Variants in DMAC2 observed in about 807,000 individuals in gnomAD.
DMAC2 encodes distal membrane-arm assembly complex protein 2.
DMAC2 carries 32 observed loss-of-function variants against 29.6 expected under a neutral mutation model. That is an observed-to-expected ratio of 1.08 (90% CI 0.81 to 1.45). The LOEUF is 1.45. Among genes scored for constraint, DMAC2 ranks in the 40% most tolerant of loss-of-function variants. DMAC2 has a pLI of 0.00. For missense variants in DMAC2, 319 were observed against 340.0 expected (o/e 0.94, Z 0.49); for synonymous variants, 133 against 137.4 (o/e 0.97, Z 0.23).
At chr19:41,436,300 G>T in intron 3 of DMAC2, 92 bp downstream of exon 3, 1 of 1,104,636 alleles carries the variant, frequency 9.1e-7, no homozygotes. Flanking sequence ...AGAGACCAGG[G>T]GACTCTGAAG....
intron 1 of DMAC2, chr19:41,439,237 C>A: frequency 2.4e-6 from 1 of 416,180 alleles, no homozygotes; most frequent in African/African-American, 2.1e-5. Flanking sequence ...TTCAAATTAT[C>A]TCGATAATTT....
At chr19:41,439,836 T>C (rs782697328) in intron 1 of DMAC2, 46 bp downstream of exon 1, 110 of 1,613,874 alleles carry the variant, frequency 6.8e-5, no homozygotes, top group Non-Finnish European at 8.9e-5. Flanking sequence ...GCGGAGGCTG[T>C]AGAGCGGACT....
intron 3 of DMAC2, 75 bp from the exon 4 acceptor site, chr19:41,433,748 C>T (rs2039708711): frequency 5.7e-6 from 9 of 1,587,458 alleles, no homozygotes; most frequent in Admixed American, 5.1e-5. Context: ...GAACCTTCCC[C>T]AGCCCTATAT....
At chr19:41,432,452 A>ATG (rs781855261) in intron 5 of DMAC2, 44 bp from the exon 6 acceptor site, 35 of 1,577,544 alleles carry the variant, frequency 2.2e-5, no homozygotes, top group East Asian at 1.1e-4. Context: ...TAAGGACAGC[A>ATG]TGTGTGTGTG....
At chr19:41,433,214 T>C (rs2039667142) in intron 5 of DMAC2, 58 bp downstream of exon 5, 7 of 1,522,436 alleles carry the variant, frequency 4.6e-6, no homozygotes, top group Admixed American at 4.1e-5. Context: ...CTCTCCTGCA[T>C]CTGGGTTAGG....
rs2039971621 is a variant in DMAC2 at position 41,438,256 on chromosome 19, C to A, written c.177G>T (p.Leu59Phe). 3 of 1,614,260 alleles carry A rather than the reference C, an allele frequency of 1.9e-6. No homozygotes were observed. The East Asian group carries it at 6.7e-5, about 36-fold the overall frequency. ...FYDVEALRDY[L>F]LQREMYKVHE... The stretch of plus-strand genomic sequence containing the variant: ...GCACCTTGTACATCTCCCTTTGGAG[C>A]AAGTAATCCCTCAGAGCCTCCACAT... Residue 59 changes from leucine (L) to phenylalanine (F), a missense_variant, in exon 2 of 6, where the codon TTG (leucine) becomes TTT (phenylalanine). Transcript: ENST00000221943.
At chr19:41,432,580 T>TGTGC in intron 5 of DMAC2, 172 bp from the exon 6 acceptor site, 1 of 632,262 alleles carries the variant, frequency 1.6e-6, no homozygotes, top group Non-Finnish European at 2.8e-6. Context: ...TGTGTGTGTG[T>TGTGC]GTGTGTGTAT....
rs782594239 is a variant in DMAC2, at chr19:41,433,329, G to A, written c.539C>T (p.Ser180Leu). The A allele has an allele frequency of 9.3e-6, 15 of 1,612,026 alleles. No individual in the cohort carries two copies. Among genetic ancestry groups the A allele is most frequent in the South Asian group, 2.2e-5 (2 of 91,066 alleles). Residue 180 changes from serine to leucine, a missense_variant, in exon 5 of 6, where the codon TCG becomes TTG. Physicochemically the swap from Ser to Leu is moderately radical, Grantham distance 145. Coordinates refer to ENST00000221943, the MANE Select transcript of DMAC2 (RefSeq NM_018035.3). Reference protein sequence around the residue: ...YPLADSLQELSLAGCPRISER... With the variant: ...YPLADSLQELLLAGCPRISER... ...GGAGATGCGGGGGCAACCGGCCAGCGAGAGCTCCTGCAACGAGTCGGCCAG... is the reference window on the plus strand; with the variant it reads ...GGAGATGCGGGGGCAACCGGCCAGCAAGAGCTCCTGCAACGAGTCGGCCAG...
chr19:41,439,409 C>T (rs2040036511), intron 1 of DMAC2: 7 of 1,257,426 alleles, frequency 5.6e-6, no homozygotes, highest in African/African-American at 1.5e-5. Context: ...CCTCTTGGTT[C>T]CCCCACCCAT....
rs538133275 is a variant in DMAC2 at position 41,432,274 on chromosome 19, G to A, written c.731C>T (p.Pro244Leu). 112 of 1,614,110 alleles carry A rather than the reference G, an allele frequency of 6.9e-5. No individual in the cohort carries two copies. The highest frequency in any genetic ancestry group is 6.7e-4 in the South Asian group (61 of 91,084). Reference protein sequence around the residue: ...VDWAEGLKSGPEEQPRDTASP... With the variant: ...VDWAEGLKSGLEEQPRDTASP... ...GGCTGTGTCCCGAGGCTGCTCCTCC[G>A]GCCCTGACTTCAGGCCCTCAGCCCA... Residue 244 changes from proline to leucine, a missense_variant, in exon 6 of 6, where the codon CCG (proline) becomes CTG (leucine). Pro to Leu is a moderately conservative substitution (Grantham distance 98, BLOSUM62 -3). Coordinates refer to ENST00000221943, the MANE Select transcript of DMAC2 (RefSeq NM_018035.3).
chr19:41,438,598 C>T (rs1380802662), intron 1 of DMAC2, among the ~76,000 whole-genome samples, 184 bp from the exon 2 acceptor site: 1 of 152,172 alleles, frequency 6.6e-6, no homozygotes, highest in African/African-American at 2.4e-5. Context: ...TTCCAAGTTC[C>T]TCCTCCCCTT....
At chr19:41,434,098 G>C (rs1255622868) in intron 3 of DMAC2, among the ~76,000 whole-genome samples, 1 of 151,634 alleles carries the variant, frequency 6.6e-6, no homozygotes, top group Non-Finnish European at 1.5e-5. Context: ...AGCTGAGCAT[G>C]GTGGCAGGCG....
At chr19:41,437,599 G>A (rs1336251626) in intron 2 of DMAC2, among the ~76,000 whole-genome samples, 4 of 151,784 alleles carry the variant, frequency 2.6e-5, no homozygotes, top group Non-Finnish European at 4.4e-5. Context: ...CTTGGGAGGC[G>A]GAGGCAGGAG....
intron 3 of DMAC2, among the ~76,000 whole-genome samples, chr19:41,434,913 G>A (rs1259320020): frequency 6.6e-6 from 1 of 152,002 alleles, no homozygotes; most frequent in Non-Finnish European, 1.5e-5. Context: ...GGCTGAGGCA[G>A]GAGAATTGCT....
At chr19:41,436,269 G>A (rs2039860371) in intron 3 of DMAC2, 123 bp downstream of exon 3, 2 of 791,928 alleles carry the variant, frequency 2.5e-6, no homozygotes. Flanking sequence ...CAAGTCCCAA[G>A]CCACACAGCC....
rs115873286 is a variant in DMAC2, at chr19:41,432,125, C to G, written c.*106G>C. 1.2e-4 allele frequency: 151 copies of G among 1,308,084 alleles called. No individual in the cohort carries two copies. Among genetic ancestry groups the G allele is most frequent in the Non-Finnish European group, 1.4e-4 (129 of 937,312 alleles). 81.0% of individuals were successfully genotyped at this position (1,308,084 alleles called of 1,614,324 possible). Reference sequence around the variant, plus strand: ...CTGTGATTGGCCAGCACCACTCCCCCACCCTGACGTTGAGTGAAGACAAAT... The same window carrying G: ...CTGTGATTGGCCAGCACCACTCCCCGACCCTGACGTTGAGTGAAGACAAAT... On this transcript the variant is annotated 3_prime_UTR_variant, in exon 6 of 6. Transcript: ENST00000221943.
At chr19:41,439,773 G>C in intron 1 of DMAC2, 109 bp downstream of exon 1, 1 of 1,559,512 alleles carries the variant, frequency 6.4e-7, no homozygotes, top group South Asian at 1.1e-5. Context: ...GCCAGGCTTA[G>C]CCTGCTGCCT....
rs781933529 is a variant in DMAC2 at position 41,432,406 on chromosome 19, T to A, written c.599A>T (p.Asn200Ile). ...GTCCGAGATGTCCAGCCTGCGGAGG[T>A]TCCTGAAAAGGGGTGAGAAGGACAG... ...RGLACLHHLQ[N>I]LRRLDISDLP... The change falls in exon 6 of 6, where the codon AAC (asparagine) becomes ATC (isoleucine). Residue 200 changes from asparagine (N) to isoleucine (I), a missense_variant and splice_region_variant. Coordinates refer to ENST00000221943, the MANE Select transcript of DMAC2 (RefSeq NM_018035.3). The A allele has an allele frequency of 6.2e-7, 1 of 1,613,308 alleles. No individual in the cohort carries two copies. The highest frequency in any genetic ancestry group is 8.5e-7 in the Non-Finnish European group (1 of 1,179,854).
At chr19:41,433,134 A>G (rs782750693) in intron 5 of DMAC2, 138 bp downstream of exon 5, 3 of 961,582 alleles carry the variant, frequency 3.1e-6, no homozygotes, top group Non-Finnish European at 4.5e-6. Context: ...CTCATCTACC[A>G]TAAATACTCT....
Sources: gnomAD v4.1 joint callset for allele counts (sites outside exome capture counted in the v4.1 genomes callset) on GRCh38, gnomAD v4.1.1 for gene constraint, MANE v1.5 for transcripts, NCBI Gene and HGNC (gene_info 2026-07-23, HGNC 2026-07-21) for gene names.